PLAAT3: variants seen among roughly 807,000 people sequenced by gnomAD.
PLAAT3 encodes Ca-independent phospholipase A1/2.
In PLAAT3, 21 loss-of-function variants were observed where a neutral mutation model predicts 16.7. The ratio of observed to expected loss-of-function variants is 1.26; its 90% CI spans 0.89 to 1.81. The LOEUF (loss-of-function observed/expected upper bound fraction) is 1.81. Ranked by LOEUF, PLAAT3 falls within the 40% of genes most tolerant of loss-of-function variation. The pLI, the probability that PLAAT3 is intolerant of heterozygous loss-of-function variation, is 0.00. For synonymous variants in PLAAT3, 76 were observed against 81.7 expected (o/e 0.93, Z 0.38); for missense variants, 219 against 213.7 (o/e 1.02, Z -0.16).
intron 2 of PLAAT3, among the ~76,000 whole-genome samples, chr11:63,600,525 C>T (rs1397732483): frequency 2.6e-5 from 4 of 151,916 alleles, no homozygotes; most frequent in Admixed American, 1.3e-4. Flanking sequence ...TAGCAAGAGG[C>T]GTGAGGGAAT....
Position 63,598,164 on chromosome 11 carries a change from C to T in PLAAT3, c.16-1G>A, listed in dbSNP as rs112530400. On this transcript the variant is annotated splice_acceptor_variant, in intron 2 of 4. Coordinates refer to ENST00000415826, the MANE Select transcript of PLAAT3 (RefSeq NM_001128203.2). LOFTEE classifies it high-confidence loss of function. Reference sequence around the variant, plus strand: ...TCAGGTCTCCAGGCTTAGGCTCTGGCTGCAAAACCAAGAACAGGGCTGTTA... The same window carrying T: ...TCAGGTCTCCAGGCTTAGGCTCTGGTTGCAAAACCAAGAACAGGGCTGTTA... 43 of 1,609,778 alleles carry T rather than the reference C, an allele frequency of 2.7e-5. No homozygotes were observed. The highest frequency in any genetic ancestry group is 3.2e-5 in the Non-Finnish European group (38 of 1,176,204).
At chr11:63,599,470 G>A (rs965245775) in intron 2 of PLAAT3, among the ~76,000 whole-genome samples, 1 of 152,172 alleles carries the variant, frequency 6.6e-6, no homozygotes, top group Admixed American at 6.5e-5. Context: ...GTGGTTAACA[G>A]CCAATCACAA....
At position 63,584,937 on chromosome 11, in the gene PLAAT3, C is replaced by A. The variant is rs567600680; in HGVS notation, c.387+5163G>T. Among the ~76,000 whole-genome samples, 16 of 152,226 alleles carry A rather than the reference C, an allele frequency of 1.1e-4. No homozygotes were observed. In the East Asian group the frequency reaches 1.9e-3, roughly 18 times the overall value. ...TTAAATGAAAAGGAGAGTCACTGCA[C>A]TGACAGTGCTTACAAAGAAAAATAC... On this transcript the variant is annotated intron_variant, in intron 4 of 4. Coordinates refer to ENST00000415826, the MANE Select transcript of PLAAT3 (RefSeq NM_001128203.2).
intron 4 of PLAAT3, among the ~76,000 whole-genome samples, chr11:63,575,473 G>C (rs1047629827): frequency 2.0e-5 from 3 of 152,210 alleles, no homozygotes; most frequent in Non-Finnish European, 4.4e-5. Flanking sequence ...GAACTCGGCT[G>C]TCTTGTTCAT....
At chr11:63,606,478 AAAT>A (rs1938569308) in intron 2 of PLAAT3, among the ~76,000 whole-genome samples, 1 of 146,834 alleles carries the variant, frequency 6.8e-6, no homozygotes, top group Non-Finnish European at 1.5e-5. Context: ...GTAAATAAGT[AAAT>A]AATCTAGAAT....
chr11:63,596,457 A>G lies in PLAAT3; in HGVS notation c.118+1604T>C, dbSNP rs368930444. Among the ~76,000 whole-genome samples, 21 of 152,046 alleles carry G rather than the reference A, an allele frequency of 1.4e-4. No homozygotes were observed. The East Asian group carries it at 3.5e-3, about 25-fold the overall frequency. On this transcript the variant is annotated intron_variant, in intron 3 of 4. Coordinates refer to ENST00000415826, the MANE Select transcript of PLAAT3 (RefSeq NM_001128203.2). ...GATGGTTTCGGGATGATTCAAGCAC[A>G]TGACATTTATTGTGTACTTTATTTC...
At chr11:63,578,296 A>G (rs1590679508) in intron 4 of PLAAT3, among the ~76,000 whole-genome samples, 1 of 152,248 alleles carries the variant, frequency 6.6e-6, no homozygotes, top group South Asian at 2.1e-4. Flanking sequence ...AGAAAAAAAA[A>G]AAAGAAAAGA....
At chr11:63,606,744 G>A (rs949891901) in intron 2 of PLAAT3, among the ~76,000 whole-genome samples, 3 of 152,174 alleles carry the variant, frequency 2.0e-5, no homozygotes, top group African/African-American at 4.8e-5. Flanking sequence ...CAGCAAGGAG[G>A]CCAACGAGGC....
chr11:63,595,308 AAAAAG>A (rs1488241866), intron 3 of PLAAT3, among the ~76,000 whole-genome samples: 1 of 151,412 alleles, frequency 6.6e-6, no homozygotes, highest in East Asian at 1.9e-4. Flanking sequence ...AAAAAAAAAA[AAAAAG>A]AGTGTCTATA....
chr11:63,579,525 A>G (rs1173394679), intron 4 of PLAAT3, among the ~76,000 whole-genome samples: 3 of 152,118 alleles, frequency 2.0e-5, no homozygotes, highest in Non-Finnish European at 4.4e-5. Context: ...CATATACACC[A>G]TGGAATACTA....
In PLAAT3 at chr11:63,598,134, C is replaced by T; in HGVS notation, c.45G>A (p.Glu15=). Residue 15 remains glutamate (E), a synonymous_variant, in exon 3 of 5, where the codon GAG becomes GAA. Coordinates refer to ENST00000415826, the MANE Select transcript of PLAAT3 (RefSeq NM_001128203.2). ...AGTGTCTGTAGAAAGGGCGAAAAAT[C>T]TCAATCAGGTCTCCAGGCTTAGGCT... ...IPEPKPGDLI[E]IFRPFYRHWA... 2 of 1,614,038 alleles carry T rather than the reference C, an allele frequency of 1.2e-6. No individual in the cohort carries two copies. Among genetic ancestry groups the T allele is most frequent in the East Asian group, 2.2e-5 (1 of 44,884 alleles).
chr11:63,589,547 C>T (rs2134406187), intron 4 of PLAAT3, among the ~76,000 whole-genome samples: 1 of 152,158 alleles, frequency 6.6e-6, no homozygotes, highest in Non-Finnish European at 1.5e-5. Flanking sequence ...ACTGCATCCC[C>T]TAGGGTCTCC....
At position 63,614,376 on chromosome 11, in the gene PLAAT3, T is replaced by G; in HGVS notation, c.-55+9A>C. 2 of 253,658 alleles carry G rather than the reference T, an allele frequency of 7.9e-6. No individual in the cohort carries two copies. The highest frequency in any genetic ancestry group is 7.5e-6 in the Non-Finnish European group (1 of 132,786). 15.7% of individuals were successfully genotyped at this position (253,658 alleles called of 1,614,324 possible). ...ATCGCACCCTTCCAGGAAGACCCGA[T>G]CCACCCACCTCGCGGTCTCGGAGGC... On this transcript the variant is annotated intron_variant, in intron 1 of 4. Transcript: ENST00000415826.
At chr11:63,615,034 A>ATATATATATATATATATG (rs1490480530), upstream of PLAAT3, among the ~76,000 whole-genome samples, 4,206 of 27,914 alleles carry the variant, frequency 0.15, 952 homozygotes, top group Non-Finnish European at 0.29. Context: ...ATATGTGTGT[A>ATATATATATATATATATG]TATATATGTA....
chr11:63,581,361 A>C (rs1937810076), intron 4 of PLAAT3, among the ~76,000 whole-genome samples: 1 of 152,142 alleles, frequency 6.6e-6, no homozygotes. Context: ...AACCCTGGGG[A>C]AGGAATGCAT....
chr11:63,606,279 A>C (rs1168504832), intron 2 of PLAAT3, among the ~76,000 whole-genome samples: 1 of 152,050 alleles, frequency 6.6e-6, no homozygotes, highest in Non-Finnish European at 1.5e-5. Context: ...CAGGAGACAA[A>C]AGGTTTTTAA....
intron 2 of PLAAT3, among the ~76,000 whole-genome samples, chr11:63,612,179 T>C (rs1938711071): frequency 6.6e-6 from 1 of 152,056 alleles, no homozygotes; most frequent in Non-Finnish European, 1.5e-5. Flanking sequence ...GAAGATTTTG[T>C]TGTTGTTTTG....
intron 3 of PLAAT3, among the ~76,000 whole-genome samples, chr11:63,596,264 AGAGTT>A (rs1938287062): frequency 7.6e-6 from 1 of 131,010 alleles, no homozygotes; most frequent in Non-Finnish European, 1.6e-5. Context: ...AAAAAAAAAA[AGAGTT>A]GAGTGTGTTG....
At chr11:63,600,175 G>C (rs925910926) in intron 2 of PLAAT3, among the ~76,000 whole-genome samples, 4 of 152,056 alleles carry the variant, frequency 2.6e-5, no homozygotes, top group African/African-American at 7.2e-5. Flanking sequence ...GTAAACACAG[G>C]GTTTTGCCTT....
Sources: gnomAD v4.1 joint callset for allele counts (sites outside exome capture counted in the v4.1 genomes callset) on GRCh38, gnomAD v4.1.1 for gene constraint, MANE v1.5 for transcripts, NCBI Gene and HGNC (gene_info 2026-07-23, HGNC 2026-07-21) for gene names.